Variants in ZNF676 observed in about 807,000 individuals in gnomAD.
ZNF676 encodes zinc finger protein 676.
ZNF676 carries 4 observed loss-of-function variants against 6.0 expected under a neutral mutation model. The ratio of observed to expected loss-of-function variants is 0.67; its 90% CI spans 0.33 to 1.53. The LOEUF (loss-of-function observed/expected upper bound fraction) is 1.53, where lower values mean the gene tolerates loss of function less well. Among genes scored for constraint, ZNF676 ranks in the 40% most tolerant of loss-of-function variants. ZNF676 has a pLI of 0.06. For synonymous variants in ZNF676, 198 were observed against 223.1 expected, an observed-to-expected ratio of 0.89 and a Z score of 1.00; for missense variants, 644 against 679.7, an observed-to-expected ratio of 0.95 and a Z score of 0.58.
At chr19:22,222,344 G>A in the ZNF676 span, among the ~76,000 whole-genome samples, 5 of 152,144 alleles carry the variant, frequency 3.3e-5, no homozygotes, top group Non-Finnish European at 5.9e-5. Context: ...GACCTCAGGT[G>A]ATCTGCCTGC....
exon 1 of ZNF676, chr19:22,215,773 G>T (rs2024178687): frequency 1.0e-5 from 11 of 1,084,810 alleles, no homozygotes; most frequent in African/African-American, 5.2e-5. Context: ...ACAAAGGACC[G>T]ACCACATCCC....
intron 1 of ZNF676, among the ~76,000 whole-genome samples, chr19:22,208,864 C>T (rs1341007494): frequency 1.3e-5 from 2 of 152,086 alleles, no homozygotes; most frequent in Admixed American, 6.6e-5. Flanking sequence ...ATTGTTTGAG[C>T]CTGAGTGGGT....
chr19:22,254,658 C>T, the ZNF676 span, among the ~76,000 whole-genome samples: 4 of 152,152 alleles, frequency 2.6e-5, no homozygotes, highest in Admixed American at 2.6e-4. Context: ...AGGGCCCAAA[C>T]AGATTTGCAT....
the ZNF676 span, among the ~76,000 whole-genome samples, chr19:22,237,498 A>T: frequency 6.6e-6 from 1 of 152,178 alleles, no homozygotes. Context: ...CATGGGGCAC[A>T]CTCTCAAACT....
chr19:22,195,329 TC>T (rs1038326650), intron 1 of ZNF676, among the ~76,000 whole-genome samples: 39 of 152,252 alleles, frequency 2.6e-4, no homozygotes, highest in African/African-American at 8.9e-4. Flanking sequence ...TTAGCCCCCG[TC>T]TTGGCACATT....
In ZNF676 at chr19:22,179,933, CCA is replaced by C. The variant is rs368781726; in HGVS notation, c.*15_*16del. On this transcript the variant is annotated 3_prime_UTR_variant, in exon 3 of 3. Coordinates refer to ENST00000397121, the MANE Select transcript of ZNF676 (RefSeq NM_001001411.3). ...GACTGAGAATCAGCTGAAGGATTTACCACATTCTTCACATTTTTAGGGATTCT... is the reference window on the plus strand; with the variant it reads ...GACTGAGAATCAGCTGAAGGATTTACCATTCTTCACATTTTTAGGGATTCT... 6.1e-5 allele frequency: 97 copies of C among 1,603,248 alleles called. 1 individual carries two copies. The African/African-American group carries it at 1.2e-3, about 20-fold the overall frequency.
the ZNF676 span, chr19:22,243,290 G>T: frequency 6.6e-6 from 1 of 151,884 alleles, no homozygotes; most frequent in Non-Finnish European, 1.5e-5. Context: ...AAGAGCCAAG[G>T]CAGAAGAATA....
the ZNF676 span, among the ~76,000 whole-genome samples, chr19:22,256,654 A>G: frequency 6.6e-6 from 1 of 152,090 alleles, no homozygotes; most frequent in African/African-American, 2.4e-5. Flanking sequence ...CTATGTGTTG[A>G]GTCCAGTGAT....
the ZNF676 span, among the ~76,000 whole-genome samples, chr19:22,233,240 C>T: frequency 5.9e-5 from 9 of 152,148 alleles, no homozygotes; most frequent in African/African-American, 1.7e-4. Context: ...GTCTCCTAGG[C>T]TCAAGTGATC....
At chr19:22,221,305 TC>T in the ZNF676 span, among the ~76,000 whole-genome samples, 76 of 152,352 alleles carry the variant, frequency 5.0e-4, no homozygotes, top group African/African-American at 1.8e-3. Context: ...TTATTTAATT[TC>T]CATCTTGATT....
chr19:22,252,436 GAAAAAAA>G, the ZNF676 span, among the ~76,000 whole-genome samples: 73 of 137,238 alleles, frequency 5.3e-4, no homozygotes, highest in African/African-American at 1.9e-3. Context: ...AGAAAGAAAA[GAAAAAAA>G]AAAAAGAAGA....
the ZNF676 span, among the ~76,000 whole-genome samples, chr19:22,220,915 C>A: frequency 6.6e-6 from 1 of 152,098 alleles, no homozygotes; most frequent in Non-Finnish European, 1.5e-5. Flanking sequence ...TTCGTAGCAG[C>A]TTTGAATGAT....
At chr19:22,216,935 A>G (rs1416041071), upstream of ZNF676, among the ~76,000 whole-genome samples, 1 of 47,616 alleles carries the variant, frequency 2.1e-5, no homozygotes, top group Non-Finnish European at 3.8e-5. Context: ...GACTCTTTCT[A>G]AAAAAAAAAA....
intron 2 of ZNF676, among the ~76,000 whole-genome samples, chr19:22,182,668 GAAAAAA>G (rs55861617): frequency 7.6e-6 from 1 of 132,308 alleles, no homozygotes; most frequent in African/African-American, 2.8e-5. Flanking sequence ...CTGCCTAAAA[GAAAAAA>G]AAAAAAAGAG....
At chr19:22,204,375 T>C (rs1359699191) in intron 1 of ZNF676, among the ~76,000 whole-genome samples, 6 of 152,204 alleles carry the variant, frequency 3.9e-5, no homozygotes, top group Non-Finnish European at 8.8e-5. Context: ...TTCAAAAGTA[T>C]GAATAACAAT....
intron 2 of ZNF676, 150 bp downstream of exon 2, chr19:22,192,866 T>G (rs527659408): frequency 1.3e-6 from 1 of 797,072 alleles, no homozygotes; most frequent in East Asian, 3.1e-5. Context: ...AAGATGCCCC[T>G]GTGTGAGAGA....
At chr19:22,248,583 C>T in the ZNF676 span, among the ~76,000 whole-genome samples, 256 of 152,260 alleles carry the variant, frequency 1.7e-3, 1 homozygote, top group African/African-American at 5.6e-3. Flanking sequence ...TTCTCAGTGC[C>T]GCTGCAATGG....
At chr19:22,211,073 G>C (rs1290435032) in intron 1 of ZNF676, among the ~76,000 whole-genome samples, 1 of 143,156 alleles carries the variant, frequency 7.0e-6, no homozygotes, top group Non-Finnish European at 1.5e-5. Context: ...ACTTCCTCCT[G>C]TTGCAATACT....
upstream of ZNF676, among the ~76,000 whole-genome samples, chr19:22,199,160 T>C (rs527377933): frequency 3.9e-5 from 6 of 152,328 alleles, no homozygotes; most frequent in South Asian, 6.2e-4. Flanking sequence ...CTTGGTAATT[T>C]TGGCCCCACT....
Sources: allele counts gnomAD v4.1 joint callset (sites outside exome capture counted in the v4.1 genomes callset), GRCh38; gene constraint gnomAD v4.1.1; transcripts MANE v1.5; gene names NCBI Gene and HGNC (gene_info 2026-07-23, HGNC 2026-07-21).